SNX25: variants seen among roughly 807,000 people sequenced by gnomAD.
The protein encoded by SNX25 is sorting nexin 25, also known as sorting nexin-25.
A neutral mutation model predicts 113.7 loss-of-function variants in SNX25; 62 were observed. The observed-to-expected ratio is 0.55, with a 90% CI of 0.44 to 0.67. The LOEUF (loss-of-function observed/expected upper bound fraction) is 0.67. Among genes scored for constraint, SNX25 ranks in the 30% least tolerant of loss-of-function variants. The pLI is 0.00. For missense variants in SNX25, 1,014 were observed against 1,161.0 expected (o/e 0.87, Z 1.84); for synonymous variants, 421 against 436.2 (o/e 0.97, Z 0.43).
At chr4:185,306,515 CT>C (rs1441765114) in intron 6 of SNX25, among the ~76,000 whole-genome samples, 1 of 152,112 alleles carries the variant, frequency 6.6e-6, no homozygotes, top group Admixed American at 6.6e-5. Context: ...AGGTTTTGTC[CT>C]TTTAGAAAGG....
chr4:185,351,177 G>A (rs761903964), intron 13 of SNX25, among the ~76,000 whole-genome samples: 2 of 152,338 alleles, frequency 1.3e-5, no homozygotes, highest in Middle Eastern at 3.4e-3. Flanking sequence ...AGTGCAAAGC[G>A]GAGTGAGTTC....
rs376249080 is a variant in SNX25 at position 185,282,621 on chromosome 4, G to T, written c.1092-5391G>T. Among the ~76,000 whole-genome samples, 7 of 152,348 alleles carry T rather than the reference G, an allele frequency of 4.6e-5. 1 individual carries two copies. Among genetic ancestry groups the T allele is most frequent in the Admixed American group, 1.3e-4 (2 of 15,312 alleles). The stretch of plus-strand genomic sequence containing the variant: ...AAGAGAGATGAGGTGGCCACTCTGA[G>T]GAGCAGATGGCAGTTATCTTTGTGT... On this transcript the variant is annotated intron_variant, in intron 5 of 18. Coordinates refer to ENST00000652585, the MANE Select transcript of SNX25 (RefSeq NM_001378034.2).
rs150473558 is a variant in SNX25, at chr4:185,311,424, G to A, written c.1344+608G>A. Reference sequence around the variant, plus strand: ...TGTCTGTCAATACCAACCAAATCACGGAGCTTAGGGAAGTGTTTTAGCCCT... The same window carrying A: ...TGTCTGTCAATACCAACCAAATCACAGAGCTTAGGGAAGTGTTTTAGCCCT... On this transcript the variant is annotated intron_variant, in intron 7 of 18. Coordinates refer to ENST00000652585, the MANE Select transcript of SNX25 (RefSeq NM_001378034.2). Among the ~76,000 whole-genome samples, 16 of 152,172 alleles carry A rather than the reference G, an allele frequency of 1.1e-4. No homozygotes were observed. In the East Asian group the frequency reaches 2.5e-3, roughly 24 times the overall value.
rs1401485818 is a variant in SNX25 at position 185,210,513 on chromosome 4, G to A, written c.429+258G>A. On this transcript the variant is annotated intron_variant, in intron 1 of 18. Coordinates refer to ENST00000652585, the MANE Select transcript of SNX25 (RefSeq NM_001378034.2). This position sits in a 1 kb window ranked among gnomAD's most constrained non-coding sequence, Gnocchi z 4.4. The stretch of plus-strand genomic sequence containing the variant: ...TATTTACTGGGCTCTGTAGTCACTC[G>A]ACAACCATCCTCAGTCACAACCCTA... Among the ~76,000 whole-genome samples the A allele has an allele frequency of 1.3e-5, 2 of 152,124 alleles. No individual in the cohort carries two copies. The highest frequency in any genetic ancestry group is 2.9e-5 in the Non-Finnish European group (2 of 68,004).
chr4:185,262,484 C>T (rs1411158233), intron 3 of SNX25, among the ~76,000 whole-genome samples: 4 of 152,162 alleles, frequency 2.6e-5, no homozygotes, highest in Non-Finnish European at 4.4e-5. Flanking sequence ...CCTTCTTTGT[C>T]TCTGAAATGT....
chr4:185,362,802 C>T (rs1447928062), intron 18 of SNX25, 91 bp downstream of exon 18: 1 of 874,774 alleles, frequency 1.1e-6, no homozygotes, highest in African/African-American at 1.7e-5. Context: ...GTGGCTGCAG[C>T]ACTCTCATTC....
chr4:185,243,094 T>G (rs1455195722), intron 1 of SNX25, among the ~76,000 whole-genome samples: 1 of 152,096 alleles, frequency 6.6e-6, no homozygotes, highest in Non-Finnish European at 1.5e-5. Flanking sequence ...AAAATCAGAT[T>G]GAAAGAATAA....
chr4:185,321,142 C>T (rs1033700654), intron 8 of SNX25, among the ~76,000 whole-genome samples: 3 of 152,002 alleles, frequency 2.0e-5, no homozygotes, highest in Admixed American at 6.6e-5. Flanking sequence ...TGTAAAAAGA[C>T]ATATACATAT....
At chr4:185,263,534 C>A (rs757281856) in intron 3 of SNX25, among the ~76,000 whole-genome samples, 1 of 152,068 alleles carries the variant, frequency 6.6e-6, no homozygotes, top group East Asian at 1.9e-4. Flanking sequence ...TCTTTTCTAG[C>A]GTTATACACT....
At chr4:185,374,902 C>G (rs951331891), downstream of SNX25, among the ~76,000 whole-genome samples, 1 of 152,104 alleles carries the variant, frequency 6.6e-6, no homozygotes, top group African/African-American at 2.4e-5. Context: ...GTCTTCCATT[C>G]AAGCATACTT....
chr4:185,367,440 T>C (rs578184784), downstream of SNX25, among the ~76,000 whole-genome samples: 1 of 152,280 alleles, frequency 6.6e-6, no homozygotes, highest in South Asian at 2.1e-4. Flanking sequence ...AAAATAACCA[T>C]GTTATTCTCA....
chr4:185,216,047 T>C (rs1401336099), intron 1 of SNX25, among the ~76,000 whole-genome samples: 1 of 152,200 alleles, frequency 6.6e-6, no homozygotes, highest in Non-Finnish European at 1.5e-5. Flanking sequence ...TCCACCCGTC[T>C]TGGCCTCCCA....
Position 185,224,538 on chromosome 4 carries a change from A to G in SNX25, c.429+14283A>G, listed in dbSNP as rs1175884494. 7.2e-4 allele frequency among the ~76,000 whole-genome samples: 97 copies of G among 135,570 alleles called. 1 individual carries two copies. The East Asian group carries it at 0.011, about 15-fold the overall frequency. 88.9% of individuals were successfully genotyped at this position (135,570 alleles called of 152,430 possible). On this transcript the variant is annotated intron_variant, in intron 1 of 18. Coordinates refer to ENST00000652585, the MANE Select transcript of SNX25 (RefSeq NM_001378034.2). ...ATATAAATATATATACATATATATA[A>G]ATATATATACATATATATAAATATA... is the stretch of plus-strand genomic sequence containing the variant.
At chr4:185,349,032 G>T (rs956475476) in intron 13 of SNX25, among the ~76,000 whole-genome samples, 1 of 152,076 alleles carries the variant, frequency 6.6e-6, no homozygotes, top group Admixed American at 6.6e-5. Context: ...CAATTGACAG[G>T]ATTTCATTCT....
chr4:185,308,463 G>A (rs1332730158), intron 6 of SNX25, among the ~76,000 whole-genome samples: 1 of 152,188 alleles, frequency 6.6e-6, no homozygotes, highest in Non-Finnish European at 1.5e-5. Context: ...TTGGTGGAGG[G>A]AGCGTTAGAA....
chr4:185,275,384 A>T (rs190445708), intron 5 of SNX25, among the ~76,000 whole-genome samples: 51 of 152,348 alleles, frequency 3.3e-4, no homozygotes, highest in African/African-American at 1.2e-3. Context: ...ACATGAGATT[A>T]AGGTGGTGGT....
chr4:185,274,725 A>G (rs1240629177), intron 5 of SNX25, among the ~76,000 whole-genome samples: 1 of 152,252 alleles, frequency 6.6e-6, no homozygotes, highest in Non-Finnish European at 1.5e-5. Flanking sequence ...CTGAATATCT[A>G]TTATGTATTA....
At chr4:185,346,124 G>A (rs890434615) in intron 12 of SNX25, among the ~76,000 whole-genome samples, 7 of 152,218 alleles carry the variant, frequency 4.6e-5, no homozygotes, top group African/African-American at 1.7e-4. Flanking sequence ...CTCCCAAAGT[G>A]TTGGGATTAC....
intron 8 of SNX25, among the ~76,000 whole-genome samples, chr4:185,323,043 T>C (rs1265110171): frequency 6.6e-6 from 1 of 152,222 alleles, no homozygotes. Context: ...AGCTGTCTAA[T>C]ATAAGCTTGA....
Sources: allele counts gnomAD v4.1 joint callset (sites outside exome capture counted in the v4.1 genomes callset), GRCh38; gene constraint gnomAD v4.1.1; non-coding constraint Gnocchi (gnomAD v3.1); transcripts MANE v1.5; gene names NCBI Gene and HGNC (gene_info 2026-07-23, HGNC 2026-07-21).